RABGAP1L: variants seen among roughly 807,000 people sequenced by gnomAD.
RABGAP1L encodes the protein RAB GTPase activating protein 1 like.
Under a neutral mutation model 137.7 loss-of-function variants are expected in RABGAP1L, and 63 were observed. The ratio of observed to expected loss-of-function variants is 0.46; its 90% CI spans 0.37 to 0.56. RABGAP1L has a LOEUF of 0.56. RABGAP1L is among the 20% of genes least tolerant of loss of function. RABGAP1L has a pLI of 0.00. For synonymous variants in RABGAP1L, 431 were observed against 433.7 expected, an observed-to-expected ratio of 0.99 and a Z score of 0.08; for missense variants, 1,095 against 1,244.0, an observed-to-expected ratio of 0.88 and a Z score of 1.80.
At chr1:174,205,910 TA>T (rs1668475654) in intron 1 of RABGAP1L, among the ~76,000 whole-genome samples, 1 of 152,158 alleles carries the variant, frequency 6.6e-6, no homozygotes, top group Non-Finnish European at 1.5e-5. Context: ...TTTAGGGAAA[TA>T]AAAAATGGAA....
intron 13 of RABGAP1L, among the ~76,000 whole-genome samples, chr1:174,441,815 A>T (rs1654187798): frequency 6.6e-6 from 1 of 151,890 alleles, no homozygotes; most frequent in Non-Finnish European, 1.5e-5. Flanking sequence ...AAAAGAAAAA[A>T]CTACTTTGAG....
rs191794147 is a variant in RABGAP1L at position 174,527,029 on chromosome 1, T to C, written c.1711-110346T>C. On this transcript the variant is annotated intron_variant, in intron 13 of 25. Coordinates refer to ENST00000681986, the MANE Select transcript of RABGAP1L (RefSeq NM_001366446.1). Reference sequence around the variant, plus strand: ...CACATCTTGGTATGTTGTTTTTCCATTTTCATTTCTTGCAAGAAATATTTG... The same window carrying C: ...CACATCTTGGTATGTTGTTTTTCCACTTTCATTTCTTGCAAGAAATATTTG... Among the ~76,000 whole-genome samples the C allele has an allele frequency of 6.8e-3, 1,033 of 152,230 alleles. 13 individuals carry two copies. Among genetic ancestry groups the C allele is most frequent in the African/African-American group, 0.023 (973 of 41,542 alleles).
intron 1 of RABGAP1L, among the ~76,000 whole-genome samples, chr1:174,192,858 G>T (rs1038072708): frequency 6.6e-6 from 1 of 152,184 alleles, no homozygotes; most frequent in Non-Finnish European, 1.5e-5. Flanking sequence ...TCACCATTGG[G>T]CTTCAGATGG....
intron 19 of RABGAP1L, among the ~76,000 whole-genome samples, chr1:174,911,191 C>T (rs1332728944): frequency 6.6e-6 from 1 of 151,956 alleles, no homozygotes; most frequent in African/African-American, 2.4e-5. Flanking sequence ...ACAGCAAATC[C>T]TTATCAGCTA....
intron 17 of RABGAP1L, among the ~76,000 whole-genome samples, chr1:174,740,672 G>A (rs187340488): frequency 1.7e-4 from 26 of 152,036 alleles, no homozygotes; most frequent in Non-Finnish European, 2.8e-4. Context: ...TTCCATAGTG[G>A]CTGTACTAGT....
At chr1:174,498,017 A>G (rs537406131) in intron 13 of RABGAP1L, among the ~76,000 whole-genome samples, 9 of 152,192 alleles carry the variant, frequency 5.9e-5, no homozygotes, top group Non-Finnish European at 1.2e-4. Context: ...CTGAAAGTGC[A>G]TTACCTTAGA....
At chr1:174,355,529 G>A (rs1683558265) in intron 11 of RABGAP1L, among the ~76,000 whole-genome samples, 1 of 150,764 alleles carries the variant, frequency 6.6e-6, no homozygotes, top group Non-Finnish European at 1.5e-5. Context: ...CGAATTAATG[G>A]GTGCAGCACA....
intron 13 of RABGAP1L, among the ~76,000 whole-genome samples, chr1:174,486,466 C>A (rs1168447035): frequency 6.6e-6 from 1 of 151,604 alleles, no homozygotes; most frequent in African/African-American, 2.4e-5. Flanking sequence ...CCTGCCTCAG[C>A]CTCCCGAGTA....
chr1:174,612,192 C>G (rs1055566456), intron 13 of RABGAP1L, among the ~76,000 whole-genome samples: 2 of 152,050 alleles, frequency 1.3e-5, no homozygotes, highest in Non-Finnish European at 2.9e-5. Context: ...GGCTGTGGGT[C>G]TGTCATAGAT....
intron 19 of RABGAP1L, among the ~76,000 whole-genome samples, chr1:174,940,449 A>T (rs186060327): frequency 4.8e-4 from 73 of 151,306 alleles, no homozygotes; most frequent in East Asian, 3.1e-3. Flanking sequence ...ATTTTTTTTT[A>T]AAATTTTTTG....
At chr1:174,413,570 A>T (rs539180800) in intron 13 of RABGAP1L, among the ~76,000 whole-genome samples, 36 of 152,092 alleles carry the variant, frequency 2.4e-4, no homozygotes, top group Non-Finnish European at 4.9e-4. Flanking sequence ...ATCTGAAGAC[A>T]CTGGTACTTC....
At chr1:174,450,407 A>G (rs1026819035) in intron 13 of RABGAP1L, among the ~76,000 whole-genome samples, 1 of 152,192 alleles carries the variant, frequency 6.6e-6, no homozygotes, top group African/African-American at 2.4e-5. Flanking sequence ...AGCAAAATAT[A>G]TAGATCAATG....
At position 174,597,388 on chromosome 1, in the gene RABGAP1L, A is replaced by G. The variant is rs1469533235; in HGVS notation, c.1711-39987A>G. 5.9e-5 allele frequency among the ~76,000 whole-genome samples: 9 copies of G among 152,244 alleles called. No homozygotes were observed. In the East Asian group the frequency reaches 1.5e-3, roughly 26 times the overall value. ...AGACTTTTTATTACATCTCAGTCTC[A>G]TTACTTGTTAAGGGTCTATTCGAGT... On this transcript the variant is annotated intron_variant, in intron 13 of 25. Coordinates refer to ENST00000681986, the MANE Select transcript of RABGAP1L (RefSeq NM_001366446.1).
chr1:174,934,090 G>T (rs1488808761), intron 19 of RABGAP1L, among the ~76,000 whole-genome samples: 2 of 152,024 alleles, frequency 1.3e-5, no homozygotes, highest in African/African-American at 4.8e-5. Context: ...TTTTTTTGTT[G>T]TTGTTGTTGT....
chr1:174,237,057 T>G lies in RABGAP1L; in HGVS notation c.543-4426T>G, dbSNP rs1340687119. ...TTTGTCTCTTTTGATCTTTGTTGGT[T>G]TAAAGTCTGTTTTATCAGAGACTAG... On this transcript the variant is annotated intron_variant, in intron 4 of 25. Coordinates refer to ENST00000681986, the MANE Select transcript of RABGAP1L (RefSeq NM_001366446.1). 1.9e-3 allele frequency among the ~76,000 whole-genome samples: 270 copies of G among 144,362 alleles called. 1 individual carries two copies. Among genetic ancestry groups the G allele is most frequent in the African/African-American group, 6.4e-3 (249 of 38,678 alleles). The allele number at this position is 144,362 out of a possible 152,430, so 94.7% of individuals were successfully genotyped here. A position where few individuals can be genotyped will look rare whatever the true frequency, so the allele number is the denominator to read the frequency against.
At chr1:174,976,616 C>T (rs1180198014) in intron 22 of RABGAP1L, among the ~76,000 whole-genome samples, 1 of 152,182 alleles carries the variant, frequency 6.6e-6, no homozygotes. Context: ...CAGCCCCTGC[C>T]GCAATCAGTC....
chr1:174,463,887 A>T (rs984529941), intron 13 of RABGAP1L, among the ~76,000 whole-genome samples: 3 of 152,150 alleles, frequency 2.0e-5, no homozygotes, highest in Admixed American at 1.3e-4. Flanking sequence ...TGCTTATTTT[A>T]TAACATCTAA....
At chr1:174,619,989 C>G (rs1016827484) in intron 13 of RABGAP1L, among the ~76,000 whole-genome samples, 10 of 152,108 alleles carry the variant, frequency 6.6e-5, no homozygotes, top group African/African-American at 2.4e-4. Context: ...GGTTGCAATC[C>G]TAGTCTCTGA....
chr1:174,305,005 C>T lies in RABGAP1L; in HGVS notation c.1343C>T (p.Thr448Ile), dbSNP rs750789473. The change falls in exon 11 of 26, where the codon ACC (threonine) becomes ATC (isoleucine). Residue 448 changes from threonine (T) to isoleucine (I), a missense_variant. Physicochemically the swap from Thr to Ile is moderately conservative, Grantham distance 89. Transcript: ENST00000681986. ...RLKQSEGKGH[T>I]NAGDAIYEVV... ...TCTCAGTCTGAGGGAAAAGGCCATA[C>T]CAATGCTGGAGATGCAATATATGAG... 1.9e-6 allele frequency: 3 copies of T among 1,553,590 alleles called. No homozygotes were observed. Among genetic ancestry groups the T allele is most frequent in the Admixed American group, 2.1e-5 (1 of 48,572 alleles).
Sources: allele counts gnomAD v4.1 joint callset (sites outside exome capture counted in the v4.1 genomes callset), GRCh38; gene constraint gnomAD v4.1.1; transcripts MANE v1.5; gene names NCBI Gene and HGNC (gene_info 2026-07-23, HGNC 2026-07-21).